The following TTC17 variants were observed in gnomAD, a reference collection of about 807,000 sequenced individuals.
TTC17 encodes the protein tetratricopeptide repeat domain 17, also known as tetratricopeptide repeat protein 17.
A neutral mutation model predicts 143.8 loss-of-function variants in TTC17; 58 were observed. The ratio of observed to expected loss-of-function variants is 0.40; its 90% CI spans 0.33 to 0.50. The LOEUF is 0.50. Ranked by LOEUF, TTC17 falls within the 20% of genes least tolerant of loss-of-function variation. The pLI is 0.49. For synonymous variants in TTC17, 501 were observed against 497.8 expected, an observed-to-expected ratio of 1.01 and a Z score of -0.09; for missense variants, 1,273 against 1,392.5, an observed-to-expected ratio of 0.91 and a Z score of 1.37.
intron 21 of TTC17, among the ~76,000 whole-genome samples, chr11:43,475,390 T>C (rs971870591): frequency 6.6e-6 from 1 of 152,174 alleles, no homozygotes; most frequent in Non-Finnish European, 1.5e-5. Context: ...AAAGGTGCAG[T>C]GGCGTGATCA....
At chr11:43,390,047 C>T (rs1857317956) in intron 3 of TTC17, among the ~76,000 whole-genome samples, 1 of 152,110 alleles carries the variant, frequency 6.6e-6, no homozygotes, top group African/African-American at 2.4e-5. Flanking sequence ...TGCCTCACAC[C>T]TATAATCCCA....
At chr11:43,380,940 C>T (rs552273029) in intron 2 of TTC17, among the ~76,000 whole-genome samples, 3 of 151,950 alleles carry the variant, frequency 2.0e-5, no homozygotes, top group African/African-American at 2.4e-5. Context: ...TATTTAAACC[C>T]GGTGTTCAGA....
chr11:43,484,649 G>A (rs1453463172), intron 21 of TTC17, among the ~76,000 whole-genome samples: 1 of 152,070 alleles, frequency 6.6e-6, no homozygotes, highest in African/African-American at 2.4e-5. Context: ...TGACACTCTT[G>A]AAAAGAAAAA....
At chr11:43,453,013 A>G (rs955528573) in intron 21 of TTC17, among the ~76,000 whole-genome samples, 1 of 152,192 alleles carries the variant, frequency 6.6e-6, no homozygotes, top group Non-Finnish European at 1.5e-5. Flanking sequence ...ATATAAAAAC[A>G]GGAGATAGAA....
At chr11:43,372,004 C>T (rs1856585469) in intron 1 of TTC17, among the ~76,000 whole-genome samples, 1 of 152,128 alleles carries the variant, frequency 6.6e-6, no homozygotes, top group Non-Finnish European at 1.5e-5. Flanking sequence ...CACAGGAATT[C>T]AAGGTTACGG....
chr11:43,360,423 G>A (rs1291552667), intron 1 of TTC17, among the ~76,000 whole-genome samples: 1 of 152,160 alleles, frequency 6.6e-6, no homozygotes, highest in Non-Finnish European at 1.5e-5. Flanking sequence ...ATATGTGAGT[G>A]CTGGTTGCTT....
chr11:43,362,175 G>C (rs1244595954), intron 1 of TTC17, among the ~76,000 whole-genome samples: 1 of 150,710 alleles, frequency 6.6e-6, no homozygotes, highest in Non-Finnish European at 1.5e-5. Flanking sequence ...GTGTGTGTGT[G>C]TGTGTGTGTG....
At chr11:43,382,762 A>G (rs938709348) in intron 2 of TTC17, among the ~76,000 whole-genome samples, 2 of 152,220 alleles carry the variant, frequency 1.3e-5, no homozygotes, top group Non-Finnish European at 2.9e-5. Flanking sequence ...CCTGCTGTCA[A>G]TATTCAGGAA....
At chr11:43,479,578 A>G (rs1411561662) in intron 21 of TTC17, among the ~76,000 whole-genome samples, 3 of 152,254 alleles carry the variant, frequency 2.0e-5, no homozygotes, top group Admixed American at 2.0e-4. Context: ...CCATACCTAC[A>G]TACATTATAG....
intron 1 of TTC17, among the ~76,000 whole-genome samples, chr11:43,371,982 G>A (rs1311286671): frequency 6.6e-6 from 1 of 152,140 alleles, no homozygotes; most frequent in Non-Finnish European, 1.5e-5. Context: ...TGAGGTGGGA[G>A]GATTGCTTGA....
chr11:43,420,186 T>C (rs1417417229), intron 16 of TTC17, among the ~76,000 whole-genome samples: 1 of 152,206 alleles, frequency 6.6e-6, no homozygotes, highest in African/African-American at 2.4e-5. Flanking sequence ...TTACAGTCAG[T>C]CTTTGGCGGA....
chr11:43,417,301 A>G (rs975579581), intron 16 of TTC17, among the ~76,000 whole-genome samples: 16 of 152,172 alleles, frequency 1.1e-4, no homozygotes, highest in Non-Finnish European at 1.8e-4. Context: ...AAAAAAAAGG[A>G]AAAACCTCTG....
chr11:43,418,370 T>G (rs11827184), intron 16 of TTC17, among the ~76,000 whole-genome samples: 6,737 of 152,226 alleles, frequency 0.044, 224 homozygotes, highest in African/African-American at 0.098. Flanking sequence ...ATACATTGAT[T>G]TTTTTTACTT....
At chr11:43,361,929 A>G (rs1856121615) in intron 1 of TTC17, among the ~76,000 whole-genome samples, 2 of 152,160 alleles carry the variant, frequency 1.3e-5, no homozygotes, top group East Asian at 1.9e-4. Context: ...AGTGATCATA[A>G]AGAAGTACTT....
chr11:43,461,123 G>A (rs1947856664), intron 21 of TTC17, among the ~76,000 whole-genome samples: 1 of 152,146 alleles, frequency 6.6e-6, no homozygotes, highest in Non-Finnish European at 1.5e-5. Context: ...GGTGGCTCAC[G>A]CCTGTAATCC....
chr11:43,365,790 C>T (rs546413742), intron 1 of TTC17, among the ~76,000 whole-genome samples: 1 of 152,228 alleles, frequency 6.6e-6, no homozygotes, highest in South Asian at 2.1e-4. Flanking sequence ...TATCAAACTC[C>T]TTGGGAGAGT....
chr11:43,461,957 A>G (rs1947875711), intron 21 of TTC17, among the ~76,000 whole-genome samples: 2 of 152,176 alleles, frequency 1.3e-5, no homozygotes, highest in African/African-American at 2.4e-5. Context: ...TGATTAATCC[A>G]AAGGAAGTCA....
intron 23 of TTC17, 109 bp downstream of exon 23, chr11:43,492,272 G>A (rs979342570): frequency 9.9e-5 from 138 of 1,398,244 alleles, no homozygotes; most frequent in Middle Eastern, 2.3e-4. Context: ...CTGTAAGCTT[G>A]TCTAAAATTG....
chr11:43,415,963 G>T (rs1415651840), intron 16 of TTC17, among the ~76,000 whole-genome samples: 1 of 152,158 alleles, frequency 6.6e-6, no homozygotes, highest in African/African-American at 2.4e-5. Flanking sequence ...TGTTTGAGCT[G>T]CAGCTCTGCC....
Sources: allele counts gnomAD v4.1 joint callset (sites outside exome capture counted in the v4.1 genomes callset), GRCh38; gene constraint gnomAD v4.1.1; transcripts MANE v1.5; gene names NCBI Gene and HGNC (gene_info 2026-07-23, HGNC 2026-07-21).